The following ABCC4 variants were observed in gnomAD, a reference collection of about 807,000 sequenced individuals.
ABCC4 encodes the protein ATP-binding cassette sub-family C member 4.
Under a neutral mutation model 168.5 loss-of-function variants are expected in ABCC4, and 102 were observed. The ratio of observed to expected loss-of-function variants is 0.61; its 90% confidence interval spans 0.52 to 0.71. The LOEUF (loss-of-function observed/expected upper bound fraction) is 0.71, where lower values mean the gene tolerates loss of function less well. Ranked by LOEUF, ABCC4 falls within the 30% of genes least tolerant of loss-of-function variation. The pLI is 0.00. For missense variants in ABCC4, 1,402 were observed against 1,605.8 expected (o/e 0.87, Z 2.17); for synonymous variants, 617 against 590.7 (o/e 1.04, Z -0.65).
At chr13:95,067,764 C>G (rs1183131427) in intron 25 of ABCC4, among the ~76,000 whole-genome samples, 1 of 151,914 alleles carries the variant, frequency 6.6e-6, no homozygotes, top group South Asian at 2.1e-4. Context: ...AGGTCTAGTA[C>G]ACATCTGTAA....
intron 20 of ABCC4, among the ~76,000 whole-genome samples, chr13:95,088,682 A>T (rs2034335167): frequency 1.3e-5 from 2 of 152,160 alleles, no homozygotes; most frequent in African/African-American, 4.8e-5. Context: ...AAAACCTAAT[A>T]ATATTAAAAT....
intron 1 of ABCC4, among the ~76,000 whole-genome samples, chr13:95,257,175 C>T (rs1420520237): frequency 6.6e-6 from 1 of 152,216 alleles, no homozygotes; most frequent in East Asian, 1.9e-4. Flanking sequence ...GTATTATATA[C>T]TACATTCTCA....
chr13:95,123,758 G>A (rs973008124), intron 19 of ABCC4, among the ~76,000 whole-genome samples: 32 of 152,324 alleles, frequency 2.1e-4, no homozygotes, highest in African/African-American at 7.2e-4. Context: ...GAGCACACAC[G>A]CAGGTGGCAG....
intron 29 of ABCC4, among the ~76,000 whole-genome samples, chr13:95,039,927 A>C (rs1482376376): frequency 6.6e-6 from 1 of 152,156 alleles, no homozygotes; most frequent in East Asian, 1.9e-4. Context: ...CCCACTTAGC[A>C]ACAGGCAGAG....
At chr13:95,046,667 G>A (rs1017360873) in intron 27 of ABCC4, among the ~76,000 whole-genome samples, 38 of 152,214 alleles carry the variant, frequency 2.5e-4, no homozygotes, top group African/African-American at 8.9e-4. Context: ...GGAGGCTGAG[G>A]CAGGAGAATT....
intron 19 of ABCC4, among the ~76,000 whole-genome samples, chr13:95,157,507 AAG>A (rs2036910843): frequency 6.6e-6 from 1 of 151,380 alleles, no homozygotes; most frequent in Non-Finnish European, 1.5e-5. Context: ...AAGAGGAAGG[AAG>A]GAAGGAAGGA....
At position 95,071,812 on chromosome 13, in the gene ABCC4, T is replaced by C. The variant is rs2033734570; in HGVS notation, c.3060A>G (p.Glu1020=). The C allele has an allele frequency of 1.9e-6, 3 of 1,600,716 alleles. No homozygotes were observed. In the East Asian group the frequency reaches 6.8e-5, roughly 36 times the overall value. ...TCTGATATTCCCAAGGTGCTTCTTT[T>C]TCAAGGTCTGTGTATTCAATGACCC... ...VERVIEYTDL[E]KEAPWEYQKR... is the part of the protein sequence containing the mutation. The change falls in exon 25 of 31, where the codon GAA becomes GAG. Residue 1020 remains glutamate (E), a synonymous_variant. Transcript: ENST00000645237.
At chr13:95,051,042 T>C (rs146591482) in intron 27 of ABCC4, among the ~76,000 whole-genome samples, 42 of 152,350 alleles carry the variant, frequency 2.8e-4, no homozygotes, top group African/African-American at 7.5e-4. Context: ...TTTCTTTACA[T>C]TTGACAGTTA....
chr13:95,117,199 T>C (rs1435655030), intron 19 of ABCC4, among the ~76,000 whole-genome samples: 1 of 150,466 alleles, frequency 6.6e-6, no homozygotes, highest in African/African-American at 2.5e-5. Context: ...TTTCTGAGCC[T>C]CTAATAACAC....
At chr13:95,233,235 T>G (rs953750688) in intron 4 of ABCC4, among the ~76,000 whole-genome samples, 2 of 152,062 alleles carry the variant, frequency 1.3e-5, no homozygotes, top group African/African-American at 2.4e-5. Flanking sequence ...ACATTGTATA[T>G]TGTACATTAT....
At chr13:95,118,171 G>A (rs4773840) in intron 19 of ABCC4, among the ~76,000 whole-genome samples, 136,996 of 152,208 alleles carry the variant, frequency 0.9, 61,954 homozygotes, top group South Asian at 0.95. Flanking sequence ...TGTAGAAAGT[G>A]TAAGATTAGA....
At chr13:95,057,914 G>C (rs139304027) in intron 26 of ABCC4, among the ~76,000 whole-genome samples, 1 of 152,170 alleles carries the variant, frequency 6.6e-6, no homozygotes, top group Non-Finnish European at 1.5e-5. Flanking sequence ...GAGGAAGAGG[G>C]GTGTATGCTT....
At chr13:95,275,241 G>A (rs915219838) in intron 1 of ABCC4, among the ~76,000 whole-genome samples, 16 of 152,274 alleles carry the variant, frequency 1.1e-4, no homozygotes, top group African/African-American at 3.4e-4. Context: ...TGGCCATCAT[G>A]CTGTGATTTT....
At chr13:95,236,628 T>G (rs1477794433) in intron 3 of ABCC4, among the ~76,000 whole-genome samples, 1 of 151,388 alleles carries the variant, frequency 6.6e-6, no homozygotes, top group Non-Finnish European at 1.5e-5. Context: ...ACACTCTCTC[T>G]CACACACTTC....
chr13:95,131,583 C>T (rs111338080), intron 19 of ABCC4, among the ~76,000 whole-genome samples: 36 of 152,106 alleles, frequency 2.4e-4, no homozygotes, highest in East Asian at 5.8e-4. Flanking sequence ...GAGCCGAGAT[C>T]GCACCACTGC....
chr13:95,294,531 A>G (rs1404550176), intron 1 of ABCC4, among the ~76,000 whole-genome samples: 1 of 152,038 alleles, frequency 6.6e-6, no homozygotes, highest in African/African-American at 2.4e-5. Flanking sequence ...CTCTTTATTC[A>G]GCTGGAGAGG....
intron 19 of ABCC4, among the ~76,000 whole-genome samples, chr13:95,140,833 G>T (rs960794110): frequency 6.6e-6 from 1 of 152,148 alleles, no homozygotes; most frequent in Non-Finnish European, 1.5e-5. Flanking sequence ...CACAGGTTAT[G>T]TCTGCTATTG....
chr13:95,074,605 G>C (rs138796859), intron 22 of ABCC4, among the ~76,000 whole-genome samples: 201 of 152,324 alleles, frequency 1.3e-3, no homozygotes, highest in African/African-American at 4.6e-3. Context: ...ATCTCGTACA[G>C]TGCTGAGAAA....
intron 19 of ABCC4, among the ~76,000 whole-genome samples, chr13:95,118,708 G>C (rs571149033): frequency 6.6e-6 from 1 of 152,324 alleles, no homozygotes; most frequent in South Asian, 2.1e-4. Context: ...TCTGGCCCCT[G>C]CTGGAGCATC....
Sources: gnomAD v4.1 joint callset for allele counts (sites outside exome capture counted in the v4.1 genomes callset) on GRCh38, gnomAD v4.1.1 for gene constraint, MANE v1.5 for transcripts, NCBI Gene and HGNC (gene_info 2026-07-23, HGNC 2026-07-21) for gene names.